CTNNA2: variants seen among roughly 807,000 people sequenced by gnomAD.
The protein encoded by CTNNA2 is catenin alpha 2, also known as catenin alpha-2.
Under a neutral mutation model 101.0 loss-of-function variants are expected in CTNNA2, and 42 were observed. The observed-to-expected ratio is 0.42, with a 90% CI of 0.32 to 0.54. The LOEUF is 0.54. Among genes scored for constraint, CTNNA2 ranks in the 20% least tolerant of loss-of-function variants. The probability of loss-of-function intolerance (pLI) is 0.14; values close to 1 mark genes in which losing one functional copy is unlikely to be tolerated. For synonymous variants in CTNNA2, 450 were observed against 456.4 expected, an observed-to-expected ratio of 0.99 and a Z score of 0.18; for missense variants, 871 against 1,223.1, an observed-to-expected ratio of 0.71 and a Z score of 4.29.
At chr2:79,197,072 C>T (rs1673970952) in intron 1 of CTNNA2, among the ~76,000 whole-genome samples, 1 of 152,298 alleles carries the variant, frequency 6.6e-6, no homozygotes, top group African/African-American at 2.4e-5. Flanking sequence ...CTTTTGTGAT[C>T]ATTTCTTCAA....
chr2:79,963,193 A>G (rs1388699344), intron 7 of CTNNA2, among the ~76,000 whole-genome samples: 1 of 152,156 alleles, frequency 6.6e-6, no homozygotes, highest in African/African-American at 2.4e-5. Flanking sequence ...TGCAAATAAA[A>G]TGCCCTGAAG....
At chr2:80,114,425 G>C (rs1369817398) in intron 7 of CTNNA2, among the ~76,000 whole-genome samples, 2 of 152,196 alleles carry the variant, frequency 1.3e-5, no homozygotes, top group Admixed American at 1.3e-4. Context: ...TTTATTTGCA[G>C]ATGGTAGATT....
intron 1 of CTNNA2, among the ~76,000 whole-genome samples, chr2:79,622,016 C>G (rs1472662107): frequency 6.6e-6 from 1 of 152,104 alleles, no homozygotes; most frequent in Admixed American, 6.5e-5. Flanking sequence ...GACATGAAGA[C>G]TAAATGTAAT....
intron 13 of CTNNA2, among the ~76,000 whole-genome samples, chr2:80,574,697 CATA>C (rs1311368748): frequency 6.6e-6 from 1 of 152,142 alleles, no homozygotes; most frequent in Non-Finnish European, 1.5e-5. Context: ...TATAATAACA[CATA>C]ATAGTAACAG....
rs3067147 is a variant in CTNNA2 at position 80,192,952 on chromosome 2, G to GGTGTGT, written c.1057-200251_1057-200246dup. Among the ~76,000 whole-genome samples the GGTGTGT allele has an allele frequency of 2.5e-3, 384 of 151,374 alleles. 1 individual carries two copies. The highest frequency in any genetic ancestry group is 6.8e-3 in the Middle Eastern group (2 of 292). ...TGCGTATTTTGGGAGTGTGTATAGT[G>GGTGTGT]GTGTGTGTGTGTGAGTGATTGTAAG... On this transcript the variant is annotated intron_variant, in intron 7 of 18. Transcript: ENST00000402739.
chr2:79,655,590 A>G (rs796980155), intron 2 of CTNNA2, among the ~76,000 whole-genome samples: 5 of 152,296 alleles, frequency 3.3e-5, no homozygotes, highest in African/African-American at 1.2e-4. Context: ...GCACTTTGGG[A>G]GGCCAAGGCA....
At chr2:79,401,939 C>G (rs1446665187) in intron 4 of CTNNA2, among the ~76,000 whole-genome samples, 1 of 151,474 alleles carries the variant, frequency 6.6e-6, no homozygotes, top group Non-Finnish European at 1.5e-5. Context: ...TTCAGAGACA[C>G]AAACAGGTTA....
At chr2:79,852,292 T>C (rs1482758009) in intron 3 of CTNNA2, among the ~76,000 whole-genome samples, 2 of 152,214 alleles carry the variant, frequency 1.3e-5, no homozygotes, top group Non-Finnish European at 2.9e-5. Context: ...CTTCTTTTAA[T>C]TGTATTTTTT....
At chr2:79,664,633 A>T (rs1158293702) in intron 2 of CTNNA2, among the ~76,000 whole-genome samples, 3 of 152,102 alleles carry the variant, frequency 2.0e-5, no homozygotes, top group Non-Finnish European at 4.4e-5. Flanking sequence ...ATACTAAAAT[A>T]AATTGTTATT....
intron 18 of CTNNA2, among the ~76,000 whole-genome samples, chr2:80,638,296 C>CTG (rs1673084216): frequency 6.7e-6 from 1 of 149,574 alleles, no homozygotes; most frequent in Non-Finnish European, 1.5e-5. Context: ...GACATAAGGA[C>CTG]TGTCTGCCCA....
chr2:79,411,189 C>G (rs1558660770), intron 4 of CTNNA2, among the ~76,000 whole-genome samples: 1 of 151,968 alleles, frequency 6.6e-6, no homozygotes, highest in Admixed American at 6.6e-5. Context: ...ATTCTTCTCT[C>G]TTTTTTTCTT....
At chr2:79,199,175 CA>C (rs1433431026) in intron 2 of CTNNA2, among the ~76,000 whole-genome samples, 1 of 152,112 alleles carries the variant, frequency 6.6e-6, no homozygotes, top group Non-Finnish European at 1.5e-5. Context: ...TCCACTGAAG[CA>C]AAAATTTTTC....
intron 18 of CTNNA2, among the ~76,000 whole-genome samples, chr2:80,637,549 A>C (rs1453904170): frequency 2.0e-5 from 3 of 152,104 alleles, no homozygotes; most frequent in Non-Finnish European, 4.4e-5. Context: ...CTGGGGTCCC[A>C]AGGAGAGGCA....
chr2:80,405,234 G>A lies in CTNNA2; in HGVS notation c.1137+11943G>A, dbSNP rs190905900. Among the ~76,000 whole-genome samples the A allele has an allele frequency of 6.5e-4, 99 of 152,198 alleles. 1 individual carries two copies. Among genetic ancestry groups the A allele is most frequent in the African/African-American group, 2.3e-3 (94 of 41,534 alleles). ...ATTCTTTACTTGATTCTTTATTGAC[G>A]ATCGCTGCAATTCTTCAGAGAGATA... On this transcript the variant is annotated intron_variant, in intron 8 of 18. Transcript: ENST00000402739.
chr2:79,800,746 C>T (rs761865754), intron 3 of CTNNA2, among the ~76,000 whole-genome samples: 5 of 152,092 alleles, frequency 3.3e-5, no homozygotes, highest in African/African-American at 7.2e-5. Flanking sequence ...GTAATCTGTA[C>T]GTTTTTTGAT....
chr2:80,519,855 T>C (rs946894468), intron 9 of CTNNA2, among the ~76,000 whole-genome samples: 14 of 152,192 alleles, frequency 9.2e-5, no homozygotes, highest in South Asian at 4.1e-4. Flanking sequence ...AGACCCATAA[T>C]GGCCAGGTGT....
chr2:79,930,782 A>G (rs1328280136), intron 7 of CTNNA2, among the ~76,000 whole-genome samples: 1 of 152,228 alleles, frequency 6.6e-6, no homozygotes, highest in African/African-American at 2.4e-5. Flanking sequence ...GATTTCTTTA[A>G]GCATCAAATT....
At position 79,340,949 on chromosome 2, in the gene CTNNA2, A is replaced by C. The variant is rs555366901; in HGVS notation, c.-318+28153A>C. Among the ~76,000 whole-genome samples, 3 of 152,030 alleles carry C rather than the reference A, an allele frequency of 2.0e-5. No individual in the cohort carries two copies. In the South Asian group the frequency reaches 6.2e-4, roughly 31 times the overall value. On this transcript the variant is annotated intron_variant, in intron 3 of 21. Transcript: ENST00000466387. ...TAAAAAAGAAAAATCACAATTGCTT[A>C]AACATTCAAGAAATATACATTGAGT...
intron 2 of CTNNA2, among the ~76,000 whole-genome samples, chr2:79,705,083 G>A (rs1011653778): frequency 1.3e-5 from 2 of 151,984 alleles, no homozygotes; most frequent in Non-Finnish European, 2.9e-5. Flanking sequence ...CTAGTGGGTC[G>A]AATCCAAGGA....
Sources: allele counts gnomAD v4.1 joint callset (sites outside exome capture counted in the v4.1 genomes callset), GRCh38; gene constraint gnomAD v4.1.1; transcripts MANE v1.5; gene names NCBI Gene and HGNC (gene_info 2026-07-23, HGNC 2026-07-21).